Variants in BIRC6 observed in about 807,000 individuals in gnomAD.
BIRC6 encodes the protein dual E2 ubiquitin-conjugating enzyme/E3 ubiquitin-protein ligase BIRC6.
Under a neutral mutation model 503.3 loss-of-function variants are expected in BIRC6, and 98 were observed. The observed-to-expected ratio is 0.19, with a 90% CI of 0.17 to 0.23. The LOEUF (loss-of-function observed/expected upper bound fraction) is 0.23, where lower values mean the gene tolerates loss of function less well. Among genes scored for constraint, BIRC6 ranks in the 10% least tolerant of loss-of-function variants. The pLI is 1.00. For missense variants in BIRC6, 5,360 were observed against 5,806.0 expected (o/e 0.92, Z 2.50); for synonymous variants, 2,240 against 2,078.7 (o/e 1.08, Z -2.11).
chr2:32,406,044 A>G (rs945603919), intron 8 of BIRC6, among the ~76,000 whole-genome samples: 1 of 152,156 alleles, frequency 6.6e-6, no homozygotes, highest in Admixed American at 6.5e-5. Context: ...CTCTTTATAT[A>G]TCATTTAAGC....
chr2:32,440,457 T>C (rs1378786963), intron 16 of BIRC6, among the ~76,000 whole-genome samples: 1 of 152,148 alleles, frequency 6.6e-6, no homozygotes, highest in African/African-American at 2.4e-5. Context: ...CTCCTTACAA[T>C]TGACTTATCT....
intron 10 of BIRC6, among the ~76,000 whole-genome samples, chr2:32,423,277 A>AT (rs575587992): frequency 8.7e-5 from 13 of 150,260 alleles, no homozygotes; most frequent in East Asian, 3.9e-4. Flanking sequence ...ATGGGTTATA[A>AT]TTTTTTTTTT....
chr2:32,515,910 C>G, intron 55 of BIRC6, 140 bp downstream of exon 55: 3 of 741,018 alleles, frequency 4.0e-6, no homozygotes, highest in Non-Finnish European at 6.4e-6. Flanking sequence ...ACTGATATCT[C>G]CTTTCTCCCC....
At chr2:32,477,087 A>C (rs1479260765) in intron 34 of BIRC6, among the ~76,000 whole-genome samples, 2 of 152,186 alleles carry the variant, frequency 1.3e-5, no homozygotes, top group Non-Finnish European at 2.9e-5. Context: ...ATGTTGTTAG[A>C]TTTGACTTAA....
chr2:32,512,649 CTT>C (rs1484107160), intron 53 of BIRC6, among the ~76,000 whole-genome samples: 2 of 152,074 alleles, frequency 1.3e-5, no homozygotes, highest in Admixed American at 1.3e-4. Context: ...TTTCATGAGA[CTT>C]TGCACAATGA....
chr2:32,374,805 G>A (rs1384393710), intron 1 of BIRC6, among the ~76,000 whole-genome samples: 1 of 152,000 alleles, frequency 6.6e-6, no homozygotes, highest in African/African-American at 2.4e-5. Flanking sequence ...ATAGATACGG[G>A]GTCTGTCTCA....
At chr2:32,529,258 A>C (rs1401190481) in intron 59 of BIRC6, 1 of 156,280 alleles carries the variant, frequency 6.4e-6, no homozygotes, top group Non-Finnish European at 1.4e-5. Flanking sequence ...AGCTATGCCC[A>C]TTTACTAGTG....
chr2:32,535,250 A>G (rs2057130494), intron 61 of BIRC6, among the ~76,000 whole-genome samples: 1 of 151,792 alleles, frequency 6.6e-6, no homozygotes, highest in Non-Finnish European at 1.5e-5. Flanking sequence ...CAGCAATAAC[A>G]CTAACAACTG....
chr2:32,517,115 G>C (rs2149731408), intron 55 of BIRC6, among the ~76,000 whole-genome samples: 1 of 152,240 alleles, frequency 6.6e-6, no homozygotes, highest in South Asian at 2.1e-4. Context: ...TGGAACACTT[G>C]AGCTTAGAAG....
Position 32,473,095 on chromosome 2 carries a change from T to G in BIRC6, c.6593-17T>G, listed in dbSNP as rs752326572. 1 of 1,548,146 alleles carries G rather than the reference T, an allele frequency of 6.5e-7. No individual in the cohort carries two copies. Among genetic ancestry groups the G allele is most frequent in the Non-Finnish European group, 8.7e-7 (1 of 1,148,076 alleles). On this transcript the variant is annotated splice_polypyrimidine_tract_variant and intron_variant, in intron 32 of 73. Coordinates refer to ENST00000421745, the MANE Select transcript of BIRC6 (RefSeq NM_016252.4). ...CATTTAACAGAATTATTAATACAAG[T>G]TTTCCTTCGCCTGTAGGTAATCAGT...
Position 32,429,170 on chromosome 2 carries a change from T to G in BIRC6, c.2897T>G (p.Ile966Ser). The G allele has an allele frequency of 6.3e-7, 1 of 1,592,936 alleles. No homozygotes were observed. The highest frequency in any genetic ancestry group is 8.6e-7 in the Non-Finnish European group (1 of 1,169,554). Residue 966 changes from isoleucine to serine, a missense_variant, in exon 11 of 74, where the codon ATT (isoleucine) becomes AGT (serine). This residue lies in a region of BIRC6 where 700 missense variants were observed against 739.3 expected (regional missense o/e 0.95). Coordinates refer to ENST00000421745, the MANE Select transcript of BIRC6 (RefSeq NM_016252.4). Reference sequence around the variant, plus strand: ...GGTGGTGAGCTTCATTTTCTCCAAATTGGAGGAACCTGTGATGATATTGAT... The same window carrying G: ...GGTGGTGAGCTTCATTTTCTCCAAAGTGGAGGAACCTGTGATGATATTGAT... ...TKGGELHFLQIGGTCDDIDEA... is the reference protein window; with the variant it reads ...TKGGELHFLQSGGTCDDIDEA...
Position 32,477,502 on chromosome 2 carries a change from C to T in BIRC6, c.6987C>T (p.Ile2329=), listed in dbSNP as rs1460447834. 1 of 1,613,940 alleles carries T rather than the reference C, an allele frequency of 6.2e-7. No homozygotes were observed. The highest frequency in any genetic ancestry group is 1.7e-5 in the Admixed American group (1 of 60,008). Residue 2329 remains isoleucine (I), a synonymous_variant, in exon 35 of 74, where the codon ATC becomes ATT. Transcript: ENST00000421745. The part of the protein sequence containing the change: ...LPFTLAHERC[I]SVVQKLVLFL... Reference sequence around the variant, plus strand: ...TTACTCTGGCCCATGAGCGTTGTATCTCAGTAGTCCAGAAACTTGTTCTGT... The same window carrying T: ...TTACTCTGGCCCATGAGCGTTGTATTTCAGTAGTCCAGAAACTTGTTCTGT...
intron 66 of BIRC6, among the ~76,000 whole-genome samples, chr2:32,576,964 A>G (rs1245157712): frequency 2.0e-5 from 3 of 152,112 alleles, no homozygotes; most frequent in Non-Finnish European, 4.4e-5. Flanking sequence ...TGATAGTGTG[A>G]TATTTTTTCT....
At chr2:32,368,306 C>T (rs961023218) in intron 1 of BIRC6, among the ~76,000 whole-genome samples, 8 of 151,874 alleles carry the variant, frequency 5.3e-5, no homozygotes, top group East Asian at 1.9e-4. Flanking sequence ...TTTGGGAGGC[C>T]GAGGTGGATG....
intron 62 of BIRC6, among the ~76,000 whole-genome samples, chr2:32,544,298 A>G (rs1248400237): frequency 6.6e-6 from 1 of 152,138 alleles, no homozygotes; most frequent in Non-Finnish European, 1.5e-5. Context: ...TACTTAGATT[A>G]AAGAGAACAG....
chr2:32,497,630 A>G (rs2052628925), intron 45 of BIRC6, among the ~76,000 whole-genome samples: 1 of 152,130 alleles, frequency 6.6e-6, no homozygotes, highest in Admixed American at 6.6e-5. Context: ...TGTTAGTGGA[A>G]ATATGTATAT....
intron 66 of BIRC6, among the ~76,000 whole-genome samples, chr2:32,590,429 A>G (rs545088179): frequency 6.6e-6 from 1 of 152,296 alleles, no homozygotes; most frequent in South Asian, 2.1e-4. Context: ...TAGATTTAGG[A>G]GTGCAAAGGG....
At position 32,607,468 on chromosome 2, in the gene BIRC6, T is replaced by C; in HGVS notation, c.14084T>C (p.Val4695Ala). Residue 4695 changes from valine (V) to alanine (A), a missense_variant, in exon 72 of 74, where the codon GTC becomes GCC. Val to Ala is a moderately conservative substitution (Grantham distance 64, BLOSUM62 0). Coordinates refer to ENST00000421745, the MANE Select transcript of BIRC6 (RefSeq NM_016252.4). ...TTTATTCTTTAGGTGTTGGTGTCTG[T>C]CCAGTCCCTTATATTAGTAGCTGAG... ...TSSFLQVLVSVQSLILVAEPY... is the reference protein window; with the variant it reads ...TSSFLQVLVSAQSLILVAEPY... The C allele has an allele frequency of 1.3e-5, 21 of 1,594,626 alleles. No individual in the cohort carries two copies. Among genetic ancestry groups the C allele is most frequent in the Non-Finnish European group, 1.6e-5 (19 of 1,167,240 alleles).
In BIRC6 at chr2:32,529,758, T is replaced by A. The variant is rs748637705; in HGVS notation, c.12028T>A (p.Ser4010Thr). 6.2e-7 allele frequency: 1 copy of A among 1,613,748 alleles called. No individual in the cohort carries two copies. Among genetic ancestry groups the A allele is most frequent in the South Asian group, 1.1e-5 (1 of 91,074 alleles). The change falls in exon 60 of 74, where the codon TCA becomes ACA. Residue 4010 changes from serine to threonine, a missense_variant. Physicochemically the swap from Ser to Thr is moderately conservative, Grantham distance 58. Around this residue, in one of 16 missense-constraint regions of BIRC6, gnomAD observed 878 missense variants for 928.9 expected, o/e 0.95. Coordinates refer to ENST00000421745, the MANE Select transcript of BIRC6 (RefSeq NM_016252.4). ...AATAGATCTGACTGTTAAATTGGGA[T>A]CAAGAGTTATAACAGACCCCAGTCT... is the stretch of plus-strand genomic sequence containing the variant. Reference protein sequence around the residue: ...RSIDLTVKLGSRVITDPSLSK... With the variant: ...RSIDLTVKLGTRVITDPSLSK...
Sources: allele counts gnomAD v4.1 joint callset (sites outside exome capture counted in the v4.1 genomes callset), GRCh38; gene constraint gnomAD v4.1.1; regional missense constraint gnomAD v4.1.1; transcripts MANE v1.5; gene names NCBI Gene and HGNC (gene_info 2026-07-23, HGNC 2026-07-21).